The following CSNK2A2IP variants were observed in gnomAD, a reference collection of about 807,000 sequenced individuals.
CSNK2A2IP encodes casein kinase II subunit alpha'-interacting protein.
chr3:88,424,136 C>A, the CSNK2A2IP span, among the ~76,000 whole-genome samples: 1 of 152,082 alleles, frequency 6.6e-6, no homozygotes, highest in African/African-American at 2.4e-5. Context: ...CAGTTCCAGG[C>A]CTAATTTTTC....
At chr3:88,343,794 T>A in the CSNK2A2IP span, among the ~76,000 whole-genome samples, 1 of 151,824 alleles carries the variant, frequency 6.6e-6, no homozygotes, top group Non-Finnish European at 1.5e-5. Context: ...GCAGAAAATA[T>A]CAAACAGTTA....
At chr3:88,375,428 AGAG>A in the CSNK2A2IP span, among the ~76,000 whole-genome samples, 1 of 151,830 alleles carries the variant, frequency 6.6e-6, no homozygotes, top group Admixed American at 6.6e-5. Context: ...TTAGTATTTT[AGAG>A]GAGAAGTTAT....
chr3:88,402,608 A>T, the CSNK2A2IP span, among the ~76,000 whole-genome samples: 1 of 151,906 alleles, frequency 6.6e-6, no homozygotes, highest in Non-Finnish European at 1.5e-5. Flanking sequence ...GCAATCTCTT[A>T]AGAATTTATA....
chr3:88,402,024 CT>C, the CSNK2A2IP span, among the ~76,000 whole-genome samples: 29,563 of 139,932 alleles, frequency 0.21, 3,546 homozygotes, highest in African/African-American at 0.36. Context: ...TCTGCTATGT[CT>C]TTTTTTTTTT....
At chr3:88,421,723 T>C in the CSNK2A2IP span, among the ~76,000 whole-genome samples, 2 of 152,090 alleles carry the variant, frequency 1.3e-5, no homozygotes, top group Non-Finnish European at 2.9e-5. Context: ...GGCCTTGTAG[T>C]ATTTTAAAAT....
At chr3:88,379,727 T>A in the CSNK2A2IP span, among the ~76,000 whole-genome samples, 2 of 152,134 alleles carry the variant, frequency 1.3e-5, no homozygotes, top group Non-Finnish European at 2.9e-5. Context: ...CCTAAATTTG[T>A]TAGGGCAGGT....
At chr3:88,366,212 G>T in the CSNK2A2IP span, among the ~76,000 whole-genome samples, 1 of 152,102 alleles carries the variant, frequency 6.6e-6, no homozygotes, top group African/African-American at 2.4e-5. Context: ...GTGCCAGGTC[G>T]TGGATTTTCA....
At chr3:88,447,879 A>G in the CSNK2A2IP span, among the ~76,000 whole-genome samples, 4 of 152,162 alleles carry the variant, frequency 2.6e-5, no homozygotes, top group Non-Finnish European at 5.9e-5. Context: ...AAGAATTTAT[A>G]TTACCACACA....
At chr3:88,418,554 T>C in the CSNK2A2IP span, among the ~76,000 whole-genome samples, 1 of 152,082 alleles carries the variant, frequency 6.6e-6, no homozygotes, top group African/African-American at 2.4e-5. Flanking sequence ...ATTTTACTAC[T>C]TACAATTAGC....
chr3:88,396,394 C>T, the CSNK2A2IP span, among the ~76,000 whole-genome samples: 2 of 152,082 alleles, frequency 1.3e-5, no homozygotes, highest in African/African-American at 2.4e-5. Context: ...CGTGAGCCAC[C>T]GCGCCCGGCC....
the CSNK2A2IP span, among the ~76,000 whole-genome samples, chr3:88,413,012 G>T: frequency 1.3e-5 from 2 of 151,900 alleles, no homozygotes; most frequent in East Asian, 3.9e-4. Context: ...GATAGAAGTA[G>T]GTATCCCTAT....
chr3:88,347,622 A>G, the CSNK2A2IP span, among the ~76,000 whole-genome samples: 1 of 152,188 alleles, frequency 6.6e-6, no homozygotes, highest in East Asian at 1.9e-4. Context: ...CAATTAATAG[A>G]CTACAGTGTA....
At chr3:88,347,064 A>G in the CSNK2A2IP span, among the ~76,000 whole-genome samples, 3 of 152,046 alleles carry the variant, frequency 2.0e-5, no homozygotes, top group Non-Finnish European at 2.9e-5. Context: ...AAGTAATTGC[A>G]GACGTAGTGG....
At chr3:88,445,309 G>T in the CSNK2A2IP span, among the ~76,000 whole-genome samples, 1 of 72,518 alleles carries the variant, frequency 1.4e-5, no homozygotes, top group Non-Finnish European at 3.5e-5. Flanking sequence ...AATTAGCCAG[G>T]CTTGGTGACA....
chr3:88,445,349 C>T, the CSNK2A2IP span, among the ~76,000 whole-genome samples: 14 of 146,244 alleles, frequency 9.6e-5, no homozygotes, highest in Admixed American at 4.9e-4. Flanking sequence ...ACTTGGGAGA[C>T]GAAGGCAGGA....
chr3:88,440,008 G>C, the CSNK2A2IP span, among the ~76,000 whole-genome samples: 1 of 152,136 alleles, frequency 6.6e-6, no homozygotes, highest in African/African-American at 2.4e-5. Context: ...TTAACTGACA[G>C]TGTAATGTTA....
the CSNK2A2IP span, among the ~76,000 whole-genome samples, chr3:88,433,269 G>T: frequency 9.2e-5 from 14 of 151,644 alleles, no homozygotes; most frequent in Non-Finnish European, 1.5e-4. Flanking sequence ...CCTTTGTTCT[G>T]TTTTTTCTGT....
At chr3:88,451,880 C>T in the CSNK2A2IP span, among the ~76,000 whole-genome samples, 1 of 151,902 alleles carries the variant, frequency 6.6e-6, no homozygotes, top group Non-Finnish European at 1.5e-5. Flanking sequence ...ACTGCAAATG[C>T]CTTAATAATC....
At chr3:88,344,096 A>T in the CSNK2A2IP span, among the ~76,000 whole-genome samples, 1 of 151,956 alleles carries the variant, frequency 6.6e-6, no homozygotes, top group African/African-American at 2.4e-5. Context: ...AGATGCTGAT[A>T]ATATTTCTGC....
Sources: allele counts gnomAD v4.1 joint callset (sites outside exome capture counted in the v4.1 genomes callset), GRCh38; gene constraint gnomAD v4.1.1; transcripts MANE v1.5; gene names NCBI Gene and HGNC (gene_info 2026-07-23, HGNC 2026-07-21).